CELF4: variants seen among roughly 807,000 people sequenced by gnomAD.
CELF4 encodes CUGBP Elav-like family member 4, also known as CUG-BP- and ETR-3-like factor 4.
CELF4 carries 18 observed loss-of-function variants against 59.9 expected under a neutral mutation model. The observed-to-expected ratio is 0.30, with a 90% CI of 0.21 to 0.45. The LOEUF is 0.45. Ranked by LOEUF, CELF4 falls within the 20% of genes least tolerant of loss-of-function variation. The pLI, the probability that CELF4 is intolerant of heterozygous loss-of-function variation, is 1.00. For synonymous variants in CELF4, 261 were observed against 267.1 expected, an observed-to-expected ratio of 0.98 and a Z score of 0.22; for missense variants, 456 against 689.0, an observed-to-expected ratio of 0.66 and a Z score of 3.79.
intron 2 of CELF4, among the ~76,000 whole-genome samples, chr18:37,430,036 C>A (rs991768525): frequency 6.6e-6 from 1 of 152,254 alleles, no homozygotes; most frequent in Non-Finnish European, 1.5e-5. Flanking sequence ...CCTCCTCCTT[C>A]AGCATCTTTC....
chr18:37,387,360 G>C (rs7240159), intron 2 of CELF4, among the ~76,000 whole-genome samples: 1 of 152,246 alleles, frequency 6.6e-6, no homozygotes, highest in African/African-American at 2.4e-5. Flanking sequence ...CTGGGACCCT[G>C]GCTGGCTTCT....
intron 2 of CELF4, among the ~76,000 whole-genome samples, chr18:37,383,707 G>A (rs1002620641): frequency 6.6e-6 from 1 of 152,200 alleles, no homozygotes; most frequent in African/African-American, 2.4e-5. Context: ...AGGCAGGGAA[G>A]TCGGGTATTA....
intron 2 of CELF4, among the ~76,000 whole-genome samples, chr18:37,434,993 G>A (rs1278625303): frequency 6.6e-6 from 1 of 152,100 alleles, no homozygotes; most frequent in Non-Finnish European, 1.5e-5. Flanking sequence ...GAGAAAAATG[G>A]CAAGTCCACA....
At chr18:37,372,173 C>T (rs867125344) in intron 2 of CELF4, among the ~76,000 whole-genome samples, 5 of 152,182 alleles carry the variant, frequency 3.3e-5, no homozygotes, top group Admixed American at 6.5e-5. Flanking sequence ...TATAAAGACA[C>T]GTGCACACGT....
intron 3 of CELF4, 77 bp from the exon 4 acceptor site, chr18:37,275,320 A>G (rs1317478069): frequency 4.0e-6 from 5 of 1,247,422 alleles, no homozygotes; most frequent in South Asian, 1.6e-5. Flanking sequence ...GGAGGGGGAG[A>G]GCGGCAGGGA....
rs1305172045 is a variant in CELF4 at position 37,339,129 on chromosome 18, A to G, written c.370-17248T>C. Among the ~76,000 whole-genome samples, 4 of 152,212 alleles carry G rather than the reference A, an allele frequency of 2.6e-5. No homozygotes were observed. In the East Asian group the frequency reaches 7.7e-4, roughly 29 times the overall value. ...TTATGATTGCATTGATTTCCATCAT[A>G]AATCATATTTCCTATCTCCTGCCTC... On this transcript the variant is annotated intron_variant, in intron 2 of 12. Transcript: ENST00000420428.
intron 2 of CELF4, among the ~76,000 whole-genome samples, chr18:37,469,603 A>C (rs193266535): frequency 6.6e-6 from 1 of 152,346 alleles, no homozygotes; most frequent in African/African-American, 2.4e-5. Flanking sequence ...AATTAAAACA[A>C]GCACATCGCA....
intron 2 of CELF4, among the ~76,000 whole-genome samples, chr18:37,444,789 C>T (rs2099743647): frequency 6.6e-6 from 1 of 152,104 alleles, no homozygotes; most frequent in Non-Finnish European, 1.5e-5. Flanking sequence ...GACGAGGCTC[C>T]CCATTCCCTT....
At chr18:37,430,762 G>A (rs1288973586) in intron 2 of CELF4, among the ~76,000 whole-genome samples, 1 of 152,198 alleles carries the variant, frequency 6.6e-6, no homozygotes, top group Non-Finnish European at 1.5e-5. Context: ...TGGCCTGTCA[G>A]GCCCCCTCTA....
intron 9 of CELF4, among the ~76,000 whole-genome samples, chr18:37,265,162 G>A (rs1193205471): frequency 6.6e-6 from 1 of 151,368 alleles, no homozygotes; most frequent in Non-Finnish European, 1.5e-5. Flanking sequence ...GTGTATGTGT[G>A]TGCGTGCGTG....
chr18:37,487,246 T>TTCC, intron 1 of CELF4, among the ~76,000 whole-genome samples: 1 of 152,146 alleles, frequency 6.6e-6, no homozygotes, highest in South Asian at 2.1e-4. Context: ...AATGTAGAAA[T>TTCC]TCCTGCCTCC....
intron 1 of CELF4, among the ~76,000 whole-genome samples, chr18:37,510,421 G>A (rs1286786649): frequency 2.0e-5 from 3 of 152,166 alleles, no homozygotes; most frequent in Non-Finnish European, 4.4e-5. Flanking sequence ...TTGGCACTTG[G>A]GTGCCTCAGC....
At chr18:37,454,269 A>G (rs2099772010) in intron 2 of CELF4, among the ~76,000 whole-genome samples, 1 of 152,142 alleles carries the variant, frequency 6.6e-6, no homozygotes, top group Non-Finnish European at 1.5e-5. Context: ...GTACGAGAGG[A>G]TGCATCTCAA....
At chr18:37,521,456 G>A (rs1046758097) in intron 1 of CELF4, among the ~76,000 whole-genome samples, 1 of 152,048 alleles carries the variant, frequency 6.6e-6, no homozygotes, top group African/African-American at 2.4e-5. Context: ...GTCCTTAAGG[G>A]TTGGCTGATT....
chr18:37,318,375 C>T (rs578107027), intron 3 of CELF4, among the ~76,000 whole-genome samples: 184 of 152,122 alleles, frequency 1.2e-3, no homozygotes, highest in African/African-American at 4.3e-3. Flanking sequence ...ATGCCACCTC[C>T]TCCACCCCTC....
At chr18:37,326,048 G>A (rs2154526919) in intron 2 of CELF4, among the ~76,000 whole-genome samples, 1 of 152,320 alleles carries the variant, frequency 6.6e-6, no homozygotes, top group East Asian at 1.9e-4. Flanking sequence ...TCCTTGGCCA[G>A]CCTCACTCAG....
intron 12 of CELF4, among the ~76,000 whole-genome samples, chr18:37,252,623 C>T (rs1208533074): frequency 3.3e-5 from 5 of 150,900 alleles, no homozygotes; most frequent in Non-Finnish European, 1.5e-5. Context: ...CCCTCAGAGG[C>T]GGGGGCATGG....
intron 2 of CELF4, among the ~76,000 whole-genome samples, chr18:37,366,105 T>C (rs1337252413): frequency 6.6e-6 from 1 of 152,172 alleles, no homozygotes; most frequent in Non-Finnish European, 1.5e-5. Context: ...CTGGAGATGT[T>C]CACAAAGGAG....
chr18:37,267,515 G>T (rs2078241450), intron 8 of CELF4, among the ~76,000 whole-genome samples: 1 of 152,234 alleles, frequency 6.6e-6, no homozygotes, highest in Non-Finnish European at 1.5e-5. Flanking sequence ...CAGAGAGGTG[G>T]TAGAGGCAGG....
Sources: gnomAD v4.1 joint callset for allele counts (sites outside exome capture counted in the v4.1 genomes callset) on GRCh38, gnomAD v4.1.1 for gene constraint, MANE v1.5 for transcripts, NCBI Gene and HGNC (gene_info 2026-07-23, HGNC 2026-07-21) for gene names.